Variants in IGF2R observed in about 807,000 individuals in gnomAD.
IGF2R encodes the protein insulin like growth factor 2 receptor.
IGF2R carries 91 observed loss-of-function variants against 270.6 expected under a neutral mutation model. The ratio of observed to expected loss-of-function variants is 0.34; its 90% CI spans 0.28 to 0.40. IGF2R has a LOEUF of 0.40. IGF2R is among the 10% of genes least tolerant of loss of function. The pLI, the probability that IGF2R is intolerant of heterozygous loss-of-function variation, is 1.00. For missense variants in IGF2R, 2,805 were observed against 3,188.3 expected, an observed-to-expected ratio of 0.88 and a Z score of 2.90; for synonymous variants, 1,316 against 1,258.9, an observed-to-expected ratio of 1.05 and a Z score of -0.96.
At chr6:160,092,531 C>T (rs1779249720) in intron 44 of IGF2R, among the ~76,000 whole-genome samples, 1 of 152,240 alleles carries the variant, frequency 6.6e-6, no homozygotes, top group Admixed American at 6.5e-5. Flanking sequence ...TCACCAGCCC[C>T]AGGAAGTAGC....
intron 44 of IGF2R, chr6:160,095,164 A>G (rs1002967830): frequency 4.6e-5 from 7 of 152,294 alleles, no homozygotes; most frequent in Admixed American, 2.0e-4. Context: ...AGTGTTGACT[A>G]TTCAAAAAGT....
intron 22 of IGF2R, among the ~76,000 whole-genome samples, chr6:160,059,915 G>T (rs1289026126): frequency 5.9e-5 from 9 of 152,386 alleles, no homozygotes; most frequent in South Asian, 2.1e-4. Context: ...TGTTCAATAA[G>T]CCAACGAATT....
intron 1 of IGF2R, among the ~76,000 whole-genome samples, chr6:159,980,793 A>G (rs546791944): frequency 6.6e-6 from 1 of 152,306 alleles, no homozygotes; most frequent in Admixed American, 6.5e-5. Flanking sequence ...CTGAACATTA[A>G]GGTCTGAATT....
At chr6:160,082,927 C>CCCTCCA (rs1428514027) in intron 39 of IGF2R, among the ~76,000 whole-genome samples, 1 of 152,146 alleles carries the variant, frequency 6.6e-6, no homozygotes, top group Non-Finnish European at 1.5e-5. Context: ...GGTGGCCTGC[C>CCCTCCA]CCTCCACACT....
At chr6:160,039,262 T>C (rs1777890255) in intron 10 of IGF2R, among the ~76,000 whole-genome samples, 1 of 152,228 alleles carries the variant, frequency 6.6e-6, no homozygotes, top group Non-Finnish European at 1.5e-5. Context: ...TGCATGCACT[T>C]GTAACACAAC....
chr6:160,026,492 C>T (rs1777563199), intron 5 of IGF2R, among the ~76,000 whole-genome samples: 1 of 152,134 alleles, frequency 6.6e-6, no homozygotes, highest in Non-Finnish European at 1.5e-5. Context: ...CACCACAGTT[C>T]CTGTTTTCCT....
chr6:160,031,759 C>T (rs1016026032), intron 7 of IGF2R, among the ~76,000 whole-genome samples: 3 of 152,158 alleles, frequency 2.0e-5, no homozygotes, highest in East Asian at 1.9e-4. Flanking sequence ...TAGTGCCTGG[C>T]GTGTAGCAGG....
In IGF2R at chr6:160,056,489, T is replaced by C. The variant is rs750151890; in HGVS notation, c.2760T>C (p.Ala920=). Residue 920 remains alanine, a synonymous_variant, in exon 20 of 48, where the codon GCT becomes GCC. Coordinates refer to ENST00000356956, the MANE Select transcript of IGF2R (RefSeq NM_000876.4). The part of the protein sequence containing the change: ...CVVSFLWNTE[A]ACPIQTTTDT... Reference sequence around the variant, plus strand: ...TCAGTTTCCTGTGGAACACAGAGGCTGCCTGTCCCATTCAGACAACGACGG... The same window carrying C: ...TCAGTTTCCTGTGGAACACAGAGGCCGCCTGTCCCATTCAGACAACGACGG... 1 of 1,614,032 alleles carries C rather than the reference T, an allele frequency of 6.2e-7. No individual in the cohort carries two copies. The highest frequency in any genetic ancestry group is 8.5e-7 in the Non-Finnish European group (1 of 1,179,864).
chr6:159,973,928 C>T (rs890521108), intron 1 of IGF2R, among the ~76,000 whole-genome samples: 1 of 152,198 alleles, frequency 6.6e-6, no homozygotes, highest in African/African-American at 2.4e-5. Flanking sequence ...TAGCTTATCA[C>T]TTTGCAGGTG....
chr6:159,974,127 A>C (rs1783653367), intron 1 of IGF2R, among the ~76,000 whole-genome samples: 2 of 152,234 alleles, frequency 1.3e-5, no homozygotes, highest in African/African-American at 4.8e-5. Flanking sequence ...TGAGAGTTCC[A>C]GTTCTATATC....
rs1562381543 is a variant in IGF2R at position 160,104,931 on chromosome 6, T to C, written c.7323T>C (p.Asn2441=). The change falls in exon 48 of 48, where the codon AAT becomes AAC. Residue 2441 remains asparagine (N), a synonymous_variant. Coordinates refer to ENST00000356956, the MANE Select transcript of IGF2R (RefSeq NM_000876.4). ...SSHPVRNAQS[N]ALQEREDDRV... is the part of the protein sequence containing the mutation. ...ACCCAGTGAGAAACGCACAGAGCAA[T>C]GCCCTTCAGGAGCGTGAGGACGATA... The C allele has an allele frequency of 6.2e-7, 1 of 1,614,102 alleles. No homozygotes were observed.
rs149426915 is a variant in IGF2R, at chr6:160,001,219, A to G, written c.290-7791A>G. Among the ~76,000 whole-genome samples the G allele has an allele frequency of 2.4e-3, 371 of 152,216 alleles. 2 individuals carry two copies. Among genetic ancestry groups the G allele is most frequent in the African/African-American group, 8.5e-3 (354 of 41,528 alleles). On this transcript the variant is annotated intron_variant, in intron 2 of 47. Transcript: ENST00000356956. ...GCTTGCACTACTGCCTGAGCTCTGC[A>G]TCCTGTTAGATAAGTGGCAGCAGTA...
At chr6:160,062,846 C>T (rs561187432) in intron 26 of IGF2R, among the ~76,000 whole-genome samples, 4 of 151,506 alleles carry the variant, frequency 2.6e-5, no homozygotes, top group South Asian at 2.1e-4. Context: ...GGGATTTTGG[C>T]GTCTGATGCT....
At chr6:160,016,437 G>A (rs2115213396) in intron 4 of IGF2R, among the ~76,000 whole-genome samples, 1 of 152,302 alleles carries the variant, frequency 6.6e-6, no homozygotes, top group Middle Eastern at 3.4e-3. Context: ...TGATGCTTAG[G>A]TGTCCCATGG....
chr6:160,032,769 G>C, intron 8 of IGF2R, 56 bp downstream of exon 8: 2 of 1,581,958 alleles, frequency 1.3e-6, no homozygotes, highest in African/African-American at 1.3e-5. Flanking sequence ...GATCGAGAGA[G>C]GGAACGGGAC....
chr6:160,008,421 T>C (rs1302274319), intron 2 of IGF2R, among the ~76,000 whole-genome samples: 1 of 152,216 alleles, frequency 6.6e-6, no homozygotes, highest in African/African-American at 2.4e-5. Context: ...GATCAGTTTA[T>C]TCCTATGCCA....
chr6:160,033,980 A>G (rs1474712102), intron 9 of IGF2R, among the ~76,000 whole-genome samples: 2 of 152,232 alleles, frequency 1.3e-5, no homozygotes, highest in African/African-American at 2.4e-5. Context: ...TTTTAAAAGC[A>G]TGGAATATCT....
rs971942356 is a variant in IGF2R at position 160,102,891 on chromosome 6, C to T, written c.6995+220C>T. Among the ~76,000 whole-genome samples, 11 of 152,180 alleles carry T rather than the reference C, an allele frequency of 7.2e-5. No homozygotes were observed. The highest frequency in any genetic ancestry group is 2.7e-4 in the African/African-American group (11 of 41,436). Reference sequence around the variant, plus strand: ...AAGGCCGAGGCCCTCGCACATCACCCGTGCCTGCGGCTTCTAGGACCGTGG... The same window carrying T: ...AAGGCCGAGGCCCTCGCACATCACCTGTGCCTGCGGCTTCTAGGACCGTGG... On this transcript the variant is annotated intron_variant, in intron 46 of 47. Coordinates refer to ENST00000356956, the MANE Select transcript of IGF2R (RefSeq NM_000876.4). This position sits in a 1 kb window ranked among gnomAD's most constrained non-coding sequence, Gnocchi z 4.5.
intron 19 of IGF2R, among the ~76,000 whole-genome samples, chr6:160,052,236 G>A (rs1778215686): frequency 6.6e-6 from 1 of 152,166 alleles, no homozygotes; most frequent in Admixed American, 6.5e-5. Flanking sequence ...CTTCAGCAAA[G>A]TCTCAGGATA....
Sources: gnomAD v4.1 joint callset for allele counts (sites outside exome capture counted in the v4.1 genomes callset) on GRCh38, gnomAD v4.1.1 for gene constraint, Gnocchi (gnomAD v3.1) non-coding constraint, MANE v1.5 for transcripts, NCBI Gene and HGNC (gene_info 2026-07-23, HGNC 2026-07-21) for gene names.